The following USP32 variants were observed in gnomAD, a reference collection of about 807,000 sequenced individuals.
USP32 encodes the protein ubiquitin carboxyl-terminal hydrolase 32.
A neutral mutation model predicts 204.8 loss-of-function variants in USP32; 59 were observed. That is an observed-to-expected ratio of 0.29 (90% CI 0.23 to 0.36). The LOEUF (loss-of-function observed/expected upper bound fraction) is 0.36. USP32 is among the 10% of genes least tolerant of loss of function. USP32 has a pLI of 1.00. For synonymous variants in USP32, 517 were observed against 678.4 expected (o/e 0.76, Z 3.70); for missense variants, 1,160 against 1,946.4 (o/e 0.60, Z 7.60).
At position 60,183,763 on chromosome 17, in the gene USP32, C is replaced by A. The variant is rs1197414478; in HGVS notation, c.3835-310G>T. On this transcript the variant is annotated intron_variant, in intron 30 of 33. Transcript: ENST00000300896. ...ACAAAGGCTTAGCCTAAGCTTCCAC[C>A]CTCCACAGAGCCAGAAGTTCACCCT... Among the ~76,000 whole-genome samples, 2 of 152,178 alleles carry A rather than the reference C, an allele frequency of 1.3e-5. 1 individual carries two copies. Among genetic ancestry groups the A allele is most frequent in the East Asian group, 3.9e-4 (2 of 5,178 alleles).
chr17:60,237,880 G>A (rs778704343), intron 11 of USP32, among the ~76,000 whole-genome samples: 1 of 152,138 alleles, frequency 6.6e-6, no homozygotes, highest in Non-Finnish European at 1.5e-5. Flanking sequence ...GTGAACAGTG[G>A]TACTATGAAA....
intron 18 of USP32, among the ~76,000 whole-genome samples, chr17:60,213,068 A>G (rs1290142517): frequency 5.3e-5 from 8 of 152,234 alleles, no homozygotes; most frequent in Non-Finnish European, 1.0e-4. Flanking sequence ...ATTTTAATAC[A>G]AAGGCAGCTA....
chr17:60,183,136 A>G, intron 31 of USP32, 29 bp downstream of exon 31: 2 of 1,562,720 alleles, frequency 1.3e-6, no homozygotes, highest in East Asian at 4.5e-5. Flanking sequence ...GTCCCAAGAA[A>G]GCACCTGCAT....
chr17:60,283,472 A>C (rs1355221019), intron 5 of USP32, among the ~76,000 whole-genome samples: 2 of 152,218 alleles, frequency 1.3e-5, no homozygotes, highest in Non-Finnish European at 2.9e-5. Context: ...CGTATCATTG[A>C]GAGGAAGTAA....
At chr17:60,372,090 G>A (rs2089452944) in intron 1 of USP32, among the ~76,000 whole-genome samples, 1 of 152,102 alleles carries the variant, frequency 6.6e-6, no homozygotes, top group East Asian at 1.9e-4. Flanking sequence ...TGGAAGGAAG[G>A]GAGAGACAAC....
chr17:60,202,443 T>TCACACA (rs377613629), intron 26 of USP32, among the ~76,000 whole-genome samples: 1,416 of 140,730 alleles, frequency 0.01, 19 homozygotes, highest in African/African-American at 0.027. Flanking sequence ...GCTTATCAAA[T>TCACACA]CACACACACA....
chr17:60,319,198 T>C (rs894862563), intron 2 of USP32, among the ~76,000 whole-genome samples: 3 of 152,218 alleles, frequency 2.0e-5, no homozygotes, highest in South Asian at 4.1e-4. Flanking sequence ...TGAATGTAGT[T>C]AGTGTCTGTG....
At chr17:60,215,537 C>T (rs1479644463) in intron 16 of USP32, among the ~76,000 whole-genome samples, 2 of 151,532 alleles carry the variant, frequency 1.3e-5, no homozygotes, top group Non-Finnish European at 2.9e-5. Context: ...GGATTTGAAT[C>T]CCACAGATAG....
At chr17:60,303,752 T>C (rs1452889408) in intron 2 of USP32, among the ~76,000 whole-genome samples, 1 of 152,162 alleles carries the variant, frequency 6.6e-6, no homozygotes, top group African/African-American at 2.4e-5. Flanking sequence ...ACCCAATATA[T>C]TGTCAGAGAC....
chr17:60,395,362 G>T (rs2089893992), upstream of USP32, among the ~76,000 whole-genome samples: 1 of 152,162 alleles, frequency 6.6e-6, no homozygotes, highest in Admixed American at 6.6e-5. Context: ...TCCTTTGTCT[G>T]AGTTAAATTA....
intron 11 of USP32, among the ~76,000 whole-genome samples, chr17:60,239,258 TTCTC>T (rs2085813663): frequency 6.6e-6 from 1 of 152,232 alleles, no homozygotes; most frequent in African/African-American, 2.4e-5. Context: ...GCTTTCAAGA[TTCTC>T]TCTTTGTTCT....
chr17:60,224,152 C>A (rs1049688798), intron 13 of USP32, among the ~76,000 whole-genome samples: 77 of 152,242 alleles, frequency 5.1e-4, no homozygotes, highest in African/African-American at 1.9e-3. Context: ...GAGTTGTGAG[C>A]CTCAGTGGTA....
chr17:60,228,639 T>C (rs576870075), intron 12 of USP32, among the ~76,000 whole-genome samples: 1 of 151,134 alleles, frequency 6.6e-6, no homozygotes, highest in East Asian at 2.0e-4. Flanking sequence ...GCAACGTGGA[T>C]AGATCCCGTC....
chr17:60,247,706 CAG>C (rs1184710805), intron 11 of USP32, among the ~76,000 whole-genome samples: 3 of 151,412 alleles, frequency 2.0e-5, no homozygotes, highest in Non-Finnish European at 2.9e-5. Context: ...GTTTTTGAGA[CAG>C]AGTCTCATTC....
At chr17:60,189,012 C>T (rs764694777) in intron 29 of USP32, among the ~76,000 whole-genome samples, 43 of 152,184 alleles carry the variant, frequency 2.8e-4, no homozygotes, top group Non-Finnish European at 5.0e-4. Context: ...AGAGCTTTTC[C>T]GATTGCACAC....
chr17:60,371,427 T>A (rs2089439428), intron 1 of USP32, among the ~76,000 whole-genome samples: 1 of 151,744 alleles, frequency 6.6e-6, no homozygotes, highest in South Asian at 2.1e-4. Flanking sequence ...ATCAGCCAGG[T>A]GCGGTGGCAC....
intron 4 of USP32, among the ~76,000 whole-genome samples, chr17:60,290,739 A>T (rs140938184): frequency 3.3e-5 from 5 of 151,860 alleles, no homozygotes; most frequent in Non-Finnish European, 7.4e-5. Flanking sequence ...TAGCCTCAGG[A>T]TGGGGGCTGG....
intron 1 of USP32, among the ~76,000 whole-genome samples, chr17:60,364,192 C>T (rs1180412995): frequency 1.3e-5 from 2 of 152,092 alleles, no homozygotes; most frequent in East Asian, 3.9e-4. Flanking sequence ...TCTCTCAGGC[C>T]TCTTTTAGAA....
intron 1 of USP32, among the ~76,000 whole-genome samples, chr17:60,416,379 AAACAGGC>A (rs755711542): frequency 1.3e-5 from 2 of 152,192 alleles, no homozygotes; most frequent in Admixed American, 6.5e-5. Context: ...GATGATTATG[AAACAGGC>A]GTATGCCATC....
Sources: gnomAD v4.1 joint callset for allele counts (sites outside exome capture counted in the v4.1 genomes callset) on GRCh38, gnomAD v4.1.1 for gene constraint, MANE v1.5 for transcripts, NCBI Gene and HGNC (gene_info 2026-07-23, HGNC 2026-07-21) for gene names.